SLC8A3: variants seen among roughly 807,000 people sequenced by gnomAD.
SLC8A3 encodes sodium/calcium exchanger 3.
Under a neutral mutation model 65.4 loss-of-function variants are expected in SLC8A3, and 37 were observed. That is an observed-to-expected ratio of 0.57 (90% CI 0.44 to 0.74). SLC8A3 has a LOEUF of 0.74. SLC8A3 is among the 30% of genes least tolerant of loss of function. The pLI, the probability that SLC8A3 is intolerant of heterozygous loss-of-function variation, is 0.00. For missense variants in SLC8A3, 1,112 were observed against 1,172.1 expected (o/e 0.95, Z 0.75); for synonymous variants, 461 against 444.5 (o/e 1.04, Z -0.47).
intron 2 of SLC8A3, among the ~76,000 whole-genome samples, chr14:70,124,959 A>G (rs968375445): frequency 4.6e-5 from 7 of 152,210 alleles, no homozygotes; most frequent in Non-Finnish European, 1.0e-4. Context: ...TGTCTTTTAT[A>G]TTAGTTTGAA....
chr14:70,144,115 TG>T (rs1284855622), intron 2 of SLC8A3, among the ~76,000 whole-genome samples: 1 of 151,998 alleles, frequency 6.6e-6, no homozygotes, highest in African/African-American at 2.4e-5. Context: ...TACCCCGCTG[TG>T]GGGGCAGGGC....
chr14:70,074,292 T>C (rs1260758350), intron 2 of SLC8A3, among the ~76,000 whole-genome samples: 3 of 152,234 alleles, frequency 2.0e-5, no homozygotes, highest in Non-Finnish European at 4.4e-5. Flanking sequence ...TGTTTTCCAA[T>C]TTAGAGTTCT....
At chr14:70,184,062 C>CT (rs1566840285) in intron 1 of SLC8A3, among the ~76,000 whole-genome samples, 1 of 152,094 alleles carries the variant, frequency 6.6e-6, no homozygotes, top group African/African-American at 2.4e-5. Context: ...CTTTTATTTT[C>CT]TTTTTTACCT....
intron 2 of SLC8A3, among the ~76,000 whole-genome samples, chr14:70,119,874 G>A (rs1200415453): frequency 1.3e-5 from 2 of 152,212 alleles, no homozygotes; most frequent in Non-Finnish European, 2.9e-5. Flanking sequence ...GACCAATAAC[G>A]ATTCAGGCTC....
At chr14:70,077,488 G>A (rs925690859) in intron 2 of SLC8A3, among the ~76,000 whole-genome samples, 8 of 152,142 alleles carry the variant, frequency 5.3e-5, no homozygotes, top group Non-Finnish European at 8.8e-5. Context: ...GGTTAAACAC[G>A]GACAGGGCTT....
intron 2 of SLC8A3, among the ~76,000 whole-genome samples, chr14:70,127,284 T>C (rs987633771): frequency 3.3e-5 from 5 of 152,256 alleles, no homozygotes; most frequent in African/African-American, 1.2e-4. Context: ...ACTGGATCCA[T>C]AGATGAAGTG....
intron 2 of SLC8A3, among the ~76,000 whole-genome samples, chr14:70,076,755 C>T (rs1566761100): frequency 2.6e-5 from 4 of 152,202 alleles, no homozygotes; most frequent in Admixed American, 2.0e-4. Flanking sequence ...AGAATCACGG[C>T]TCTGCTGTCA....
At chr14:70,142,183 A>C (rs1270633637) in intron 2 of SLC8A3, among the ~76,000 whole-genome samples, 1 of 152,226 alleles carries the variant, frequency 6.6e-6, no homozygotes, top group Non-Finnish European at 1.5e-5. Flanking sequence ...TGACCATTCA[A>C]CCAATTCATG....
intron 1 of SLC8A3, among the ~76,000 whole-genome samples, chr14:70,176,930 C>T (rs1266978621): frequency 2.0e-5 from 3 of 152,358 alleles, no homozygotes; most frequent in South Asian, 2.1e-4. Context: ...CACACTTCCT[C>T]ATGGCCTCTT....
chr14:70,102,151 G>GTCAAGAAA (rs1231106043), intron 2 of SLC8A3, among the ~76,000 whole-genome samples: 1 of 152,190 alleles, frequency 6.6e-6, no homozygotes, highest in African/African-American at 2.4e-5. Flanking sequence ...GTAAGACCAT[G>GTCAAGAAA]TCAAGAAATG....
At chr14:70,092,131 C>T (rs1265356432) in intron 2 of SLC8A3, among the ~76,000 whole-genome samples, 1 of 152,202 alleles carries the variant, frequency 6.6e-6, no homozygotes. Flanking sequence ...AACATCAGGG[C>T]TTTATCACCT....
chr14:70,080,428 C>T (rs1890952479), intron 2 of SLC8A3, among the ~76,000 whole-genome samples: 1 of 152,072 alleles, frequency 6.6e-6, no homozygotes, highest in African/African-American at 2.4e-5. Context: ...GGAGGCAGTG[C>T]TTAGTAAAGG....
intron 1 of SLC8A3, among the ~76,000 whole-genome samples, chr14:70,170,139 C>G (rs1231477242): frequency 6.6e-6 from 1 of 152,138 alleles, no homozygotes; most frequent in African/African-American, 2.4e-5. Flanking sequence ...ATATCGCTCC[C>G]CTGTTTGAAG....
At chr14:70,138,473 C>G (rs575340259) in intron 2 of SLC8A3, among the ~76,000 whole-genome samples, 1 of 152,356 alleles carries the variant, frequency 6.6e-6, no homozygotes, top group South Asian at 2.1e-4. Flanking sequence ...CCAGTGGTTT[C>G]TTCCTGCTCT....
At chr14:70,085,746 C>T (rs117524142) in intron 2 of SLC8A3, among the ~76,000 whole-genome samples, 1,813 of 152,312 alleles carry the variant, frequency 0.012, 13 homozygotes, top group Middle Eastern at 0.027. Context: ...TCCAATATGT[C>T]CTATGCCACA....
rs543757732 is a variant in SLC8A3 at position 70,160,305 on chromosome 14, C to T, written c.1784+6334G>A. Among the ~76,000 whole-genome samples, 10 of 152,122 alleles carry T rather than the reference C, an allele frequency of 6.6e-5. 1 individual carries two copies. In the South Asian group the frequency reaches 2.1e-3, roughly 32 times the overall value. The stretch of plus-strand genomic sequence containing the variant: ...ACTAAAAATACAAAAAGTAGCCAGG[C>T]GTGGTGACATGCGTCTGTAGTCCCA... On this transcript the variant is annotated intron_variant, in intron 2 of 6. Coordinates refer to ENST00000356921, the MANE Select transcript of SLC8A3 (RefSeq NM_182932.3).
intron 2 of SLC8A3, among the ~76,000 whole-genome samples, chr14:70,063,149 T>C (rs555505871): frequency 5.3e-5 from 8 of 152,302 alleles, no homozygotes; most frequent in African/African-American, 1.9e-4. Flanking sequence ...CCTCCACACC[T>C]GGGTGTTCTT....
chr14:70,072,953 C>A (rs895313223), intron 2 of SLC8A3, among the ~76,000 whole-genome samples: 1 of 152,068 alleles, frequency 6.6e-6, no homozygotes, highest in Admixed American at 6.6e-5. Context: ...TGGCCTGCCA[C>A]CTGATATTTT....
intron 2 of SLC8A3, among the ~76,000 whole-genome samples, chr14:70,139,731 G>A (rs1211521090): frequency 6.6e-6 from 1 of 152,198 alleles, no homozygotes; most frequent in Non-Finnish European, 1.5e-5. Flanking sequence ...AACAAACAAG[G>A]TGATGCCCCC....
Sources: allele counts gnomAD v4.1 joint callset (sites outside exome capture counted in the v4.1 genomes callset), GRCh38; gene constraint gnomAD v4.1.1; transcripts MANE v1.5; gene names NCBI Gene and HGNC (gene_info 2026-07-23, HGNC 2026-07-21).